The following LMNTD1 variants were observed in gnomAD, a reference collection of about 807,000 sequenced individuals.
LMNTD1 encodes the protein lamin tail domain-containing protein 1.
Under a neutral mutation model 50.9 loss-of-function variants are expected in LMNTD1, and 35 were observed. The ratio of observed to expected loss-of-function variants is 0.69; its 90% confidence interval spans 0.53 to 0.91. The LOEUF (loss-of-function observed/expected upper bound fraction) is 0.91. Among genes scored for constraint, LMNTD1 ranks in the 40% least tolerant of loss-of-function variants. The pLI, the probability that LMNTD1 is intolerant of heterozygous loss-of-function variation, is 0.00. For synonymous variants in LMNTD1, 153 were observed against 161.9 expected, an observed-to-expected ratio of 0.94 and a Z score of 0.42; for missense variants, 470 against 475.5, an observed-to-expected ratio of 0.99 and a Z score of 0.11.
intron 4 of LMNTD1, among the ~76,000 whole-genome samples, chr12:25,542,066 G>A (rs1943117017): frequency 6.6e-6 from 1 of 150,478 alleles, no homozygotes; most frequent in African/African-American, 2.4e-5. Context: ...AAAAAGTCAG[G>A]AAACAACAGG....
At chr12:25,556,169 C>T (rs994051330), upstream of LMNTD1, among the ~76,000 whole-genome samples, 12 of 151,944 alleles carry the variant, frequency 7.9e-5, no homozygotes, top group African/African-American at 1.5e-4. Context: ...GACGAGGTTT[C>T]GCCATGTTGG....
At chr12:25,504,132 A>T (rs1327906780) in intron 8 of LMNTD1, among the ~76,000 whole-genome samples, 1 of 152,242 alleles carries the variant, frequency 6.6e-6, no homozygotes, top group Non-Finnish European at 1.5e-5. Flanking sequence ...CATCTGGAAG[A>T]TATATTTTTT....
At chr12:25,646,366 G>A (rs1592135189) in intron 1 of LMNTD1, among the ~76,000 whole-genome samples, 1 of 151,994 alleles carries the variant, frequency 6.6e-6, no homozygotes, top group Non-Finnish European at 1.5e-5. Context: ...ATCTGCCCCC[G>A]ATTTGTCATT....
intron 1 of LMNTD1, among the ~76,000 whole-genome samples, chr12:25,627,352 A>G (rs2136584170): frequency 6.6e-6 from 1 of 152,234 alleles, no homozygotes; most frequent in Middle Eastern, 3.4e-3. Flanking sequence ...AAGCGCAGAC[A>G]TTGTTAAAGG....
intron 1 of LMNTD1, among the ~76,000 whole-genome samples, chr12:25,562,781 T>C (rs538794395): frequency 6.6e-6 from 1 of 152,344 alleles, no homozygotes; most frequent in East Asian, 1.9e-4. Flanking sequence ...ACCAATCCGA[T>C]GTAGATTTGG....
chr12:25,522,318 C>A (rs553577163), intron 6 of LMNTD1, among the ~76,000 whole-genome samples: 1 of 152,032 alleles, frequency 6.6e-6, no homozygotes, highest in South Asian at 2.1e-4. Flanking sequence ...GAGGTGTGTG[C>A]CTTTCCTAGA....
chr12:25,512,510 C>T (rs1260565142), intron 8 of LMNTD1, among the ~76,000 whole-genome samples: 4 of 151,208 alleles, frequency 2.6e-5, no homozygotes, highest in African/African-American at 4.9e-5. Context: ...TTGTTCTTTA[C>T]GTATTTTATA....
intron 1 of LMNTD1, among the ~76,000 whole-genome samples, chr12:25,582,846 A>G (rs900642035): frequency 6.6e-6 from 1 of 152,114 alleles, no homozygotes; most frequent in South Asian, 2.1e-4. Context: ...AAGTTATTTA[A>G]GCAGTTTATT....
At chr12:25,587,307 A>T (rs1945559804) in intron 1 of LMNTD1, among the ~76,000 whole-genome samples, 1 of 152,226 alleles carries the variant, frequency 6.6e-6, no homozygotes, top group Non-Finnish European at 1.5e-5. Context: ...ATTTATAAGG[A>T]AAAGAGGTCT....
At chr12:25,526,335 A>C (rs1168939324) in intron 5 of LMNTD1, 117 bp from the exon 6 acceptor site, 1 of 962,134 alleles carries the variant, frequency 1.0e-6, no homozygotes, top group Non-Finnish European at 1.5e-6. Context: ...TATAATGACT[A>C]TATCATATAC....
intron 1 of LMNTD1, among the ~76,000 whole-genome samples, chr12:25,593,248 C>A (rs1183729695): frequency 2.0e-5 from 3 of 152,122 alleles, no homozygotes; most frequent in Non-Finnish European, 4.4e-5. Flanking sequence ...GGCAAGAGGC[C>A]AACCATCACA....
At chr12:25,502,207 C>A (rs1034886195) in intron 9 of LMNTD1, among the ~76,000 whole-genome samples, 2 of 152,022 alleles carry the variant, frequency 1.3e-5, no homozygotes, top group Non-Finnish European at 2.9e-5. Flanking sequence ...ACATTTTTTT[C>A]CAAGCAAAAC....
intron 1 of LMNTD1, among the ~76,000 whole-genome samples, chr12:25,612,919 G>C (rs867194362): frequency 8.5e-5 from 13 of 152,142 alleles, no homozygotes; most frequent in Non-Finnish European, 1.6e-4. Flanking sequence ...CTGTGATGTA[G>C]TCTCAAGTGT....
intron 1 of LMNTD1, among the ~76,000 whole-genome samples, chr12:25,606,948 A>C (rs1201776376): frequency 6.6e-6 from 1 of 152,108 alleles, no homozygotes; most frequent in African/African-American, 2.4e-5. Context: ...TTCGGCTGTG[A>C]ATCTGTCTGG....
chr12:25,561,935 T>C (rs1025209179), intron 1 of LMNTD1, among the ~76,000 whole-genome samples: 1 of 152,176 alleles, frequency 6.6e-6, no homozygotes, highest in Non-Finnish European at 1.5e-5. Context: ...TAAAGTCTGT[T>C]TCATCAGAGA....
At chr12:25,497,310 A>G (rs1024039587) in intron 9 of LMNTD1, among the ~76,000 whole-genome samples, 1 of 151,960 alleles carries the variant, frequency 6.6e-6, no homozygotes, top group Admixed American at 6.6e-5. Context: ...CTGGTATTTC[A>G]ACGGCCGGCG....
At chr12:25,613,816 A>G (rs1946296493) in intron 1 of LMNTD1, among the ~76,000 whole-genome samples, 1 of 151,978 alleles carries the variant, frequency 6.6e-6, no homozygotes, top group Admixed American at 6.6e-5. Context: ...TTTTCACAGA[A>G]CCCCACCTAT....
intron 9 of LMNTD1, among the ~76,000 whole-genome samples, chr12:25,483,589 T>C (rs967574529): frequency 2.0e-5 from 3 of 151,434 alleles, no homozygotes; most frequent in African/African-American, 7.3e-5. Flanking sequence ...CTGGCCAACA[T>C]GGTGAAACCC....
At chr12:25,624,274 T>G (rs1946538496) in intron 1 of LMNTD1, among the ~76,000 whole-genome samples, 2 of 152,228 alleles carry the variant, frequency 1.3e-5, no homozygotes, top group African/African-American at 4.8e-5. Context: ...CCTTAAAATT[T>G]GCCATCAGTC....
Sources: gnomAD v4.1 joint callset for allele counts (sites outside exome capture counted in the v4.1 genomes callset) on GRCh38, gnomAD v4.1.1 for gene constraint, MANE v1.5 for transcripts, NCBI Gene and HGNC (gene_info 2026-07-23, HGNC 2026-07-21) for gene names.